Variants in STX8 observed in about 807,000 individuals in gnomAD.
STX8 encodes syntaxin-8.
Under a neutral mutation model 37.5 loss-of-function variants are expected in STX8, and 23 were observed. The ratio of observed to expected loss-of-function variants is 0.61; its 90% CI spans 0.44 to 0.87. The LOEUF is 0.87. Among genes scored for constraint, STX8 ranks in the 40% least tolerant of loss-of-function variants. The pLI is 0.00. For synonymous variants in STX8, 115 were observed against 99.1 expected (o/e 1.16, Z -0.95); for missense variants, 313 against 284.7 (o/e 1.10, Z -0.71).
intron 4 of STX8, among the ~76,000 whole-genome samples, chr17:9,544,498 C>A (rs1474299460): frequency 1.3e-5 from 2 of 151,276 alleles, no homozygotes; most frequent in African/African-American, 4.9e-5. Flanking sequence ...TCTCAATATG[C>A]CAATTAAAAA....
intron 7 of STX8, among the ~76,000 whole-genome samples, chr17:9,346,786 T>C (rs1910549240): frequency 6.6e-6 from 1 of 152,228 alleles, no homozygotes; most frequent in Non-Finnish European, 1.5e-5. Flanking sequence ...ACCAGTTTTA[T>C]GGCTGTACCA....
intron 6 of STX8, among the ~76,000 whole-genome samples, chr17:9,409,169 AAG>A (rs1912900531): frequency 6.6e-6 from 1 of 151,930 alleles, no homozygotes; most frequent in Non-Finnish European, 1.5e-5. Flanking sequence ...TCATTTTAAC[AAG>A]ATATCACCTA....
At chr17:9,376,739 G>A (rs542708233) in intron 7 of STX8, among the ~76,000 whole-genome samples, 24 of 152,258 alleles carry the variant, frequency 1.6e-4, no homozygotes, top group African/African-American at 2.4e-4. Context: ...AAGAAATTCC[G>A]GACACATCTG....
intron 7 of STX8, among the ~76,000 whole-genome samples, chr17:9,299,126 C>T (rs1031998887): frequency 3.9e-5 from 6 of 152,178 alleles, no homozygotes; most frequent in African/African-American, 1.2e-4. Context: ...GGGTTCACAT[C>T]TGCTTCTGGA....
chr17:9,525,014 G>A (rs939453400), intron 4 of STX8, among the ~76,000 whole-genome samples: 3 of 152,030 alleles, frequency 2.0e-5, no homozygotes, highest in African/African-American at 7.2e-5. Flanking sequence ...TCACCATGTT[G>A]CCCAAGCTGG....
At chr17:9,386,209 A>G (rs1912008036) in intron 6 of STX8, among the ~76,000 whole-genome samples, 1 of 152,180 alleles carries the variant, frequency 6.6e-6, no homozygotes, top group Non-Finnish European at 1.5e-5. Context: ...GAGAACAGAA[A>G]AGCAAATTGG....
intron 2 of STX8, among the ~76,000 whole-genome samples, chr17:9,558,748 T>G (rs1452178685): frequency 2.7e-5 from 4 of 150,492 alleles, no homozygotes; most frequent in Non-Finnish European, 4.4e-5. Flanking sequence ...GCGTGAACCC[T>G]GGAGGCGGAG....
intron 6 of STX8, among the ~76,000 whole-genome samples, chr17:9,442,164 C>G (rs1904687447): frequency 6.6e-6 from 1 of 152,212 alleles, no homozygotes; most frequent in Non-Finnish European, 1.5e-5. Flanking sequence ...CTATGGCAGT[C>G]AAGGCCATTG....
At chr17:9,520,769 T>C (rs1014493177) in intron 4 of STX8, among the ~76,000 whole-genome samples, 1 of 152,228 alleles carries the variant, frequency 6.6e-6, no homozygotes, top group African/African-American at 2.4e-5. Context: ...AGGGCGTTCT[T>C]ATCAACTGAA....
At chr17:9,323,169 C>T (rs1340752392) in intron 7 of STX8, among the ~76,000 whole-genome samples, 1 of 152,130 alleles carries the variant, frequency 6.6e-6, no homozygotes, top group East Asian at 1.9e-4. Flanking sequence ...CCAATGCTTT[C>T]ATGAATTTTG....
At chr17:9,476,141 T>C (rs1343250161) in intron 6 of STX8, among the ~76,000 whole-genome samples, 1 of 152,308 alleles carries the variant, frequency 6.6e-6, no homozygotes, top group East Asian at 1.9e-4. Context: ...ATCGTGCCAC[T>C]GCACTCCAGC....
At chr17:9,563,850 C>A (rs1907350355) in intron 2 of STX8, among the ~76,000 whole-genome samples, 1 of 151,994 alleles carries the variant, frequency 6.6e-6, no homozygotes, top group African/African-American at 2.4e-5. Flanking sequence ...CAAAAAAATA[C>A]TGGCAAACCG....
intron 6 of STX8, among the ~76,000 whole-genome samples, chr17:9,429,091 C>A (rs929210598): frequency 5.9e-5 from 9 of 151,932 alleles, no homozygotes; most frequent in African/African-American, 2.2e-4. Flanking sequence ...ACCAGAACAT[C>A]CCAATCCCTT....
intron 6 of STX8, among the ~76,000 whole-genome samples, chr17:9,441,920 C>T (rs540589069): frequency 1.3e-5 from 2 of 151,918 alleles, no homozygotes; most frequent in South Asian, 4.2e-4. Context: ...CGTGATCCGC[C>T]CACCTCGGCC....
At chr17:9,480,402 T>A (rs1906278757) in intron 6 of STX8, among the ~76,000 whole-genome samples, 1 of 151,704 alleles carries the variant, frequency 6.6e-6, no homozygotes. Context: ...TTATTTAATC[T>A]AGATTAAAGG....
intron 7 of STX8, among the ~76,000 whole-genome samples, chr17:9,284,679 A>G (rs1597583263): frequency 6.6e-6 from 1 of 152,236 alleles, no homozygotes; most frequent in South Asian, 2.1e-4. Flanking sequence ...ATAATCAGGG[A>G]AAAAAATAAG....
intron 6 of STX8, among the ~76,000 whole-genome samples, chr17:9,430,026 TAA>T (rs1913877254): frequency 9.9e-5 from 3 of 30,338 alleles, no homozygotes; most frequent in South Asian, 8.7e-4. Flanking sequence ...ATATTATATA[TAA>T]TATATTCTAT....
chr17:9,556,713 T>A (rs1257968784), intron 3 of STX8, among the ~76,000 whole-genome samples: 5 of 146,744 alleles, frequency 3.4e-5, no homozygotes, highest in African/African-American at 1.3e-4. Context: ...ATTATAGGCG[T>A]GAACCATTGC....
chr17:9,519,675 T>C (rs1905268743), intron 4 of STX8, among the ~76,000 whole-genome samples: 1 of 152,088 alleles, frequency 6.6e-6, no homozygotes, highest in South Asian at 2.1e-4. Context: ...ACGATCTCTC[T>C]ACGACATCAT....
Sources: gnomAD v4.1 joint callset for allele counts (sites outside exome capture counted in the v4.1 genomes callset) on GRCh38, gnomAD v4.1.1 for gene constraint, MANE v1.5 for transcripts, NCBI Gene and HGNC (gene_info 2026-07-23, HGNC 2026-07-21) for gene names.